SUMF1: variants seen among roughly 807,000 people sequenced by gnomAD.
The protein encoded by SUMF1 is formylglycine-generating enzyme.
In SUMF1, 48 loss-of-function variants were observed where a neutral mutation model predicts 47.6. That is an observed-to-expected ratio of 1.01 (90% confidence interval 0.80 to 1.28). The LOEUF (loss-of-function observed/expected upper bound fraction) is 1.28. SUMF1 is among the 50% of genes most tolerant of loss of function. The pLI is 0.00. For synonymous variants in SUMF1, 230 were observed against 192.1 expected (o/e 1.20, Z -1.63); for missense variants, 571 against 485.4 (o/e 1.18, Z -1.66).
chr3:4,228,240 A>C (rs186896486), intron 8 of SUMF1, among the ~76,000 whole-genome samples: 1 of 152,276 alleles, frequency 6.6e-6, no homozygotes, highest in East Asian at 1.9e-4. Flanking sequence ...TATTTAAGTC[A>C]AAATTAATTT....
chr3:4,243,618 G>A (rs1169367427), intron 8 of SUMF1, among the ~76,000 whole-genome samples: 1 of 152,134 alleles, frequency 6.6e-6, no homozygotes, highest in African/African-American at 2.4e-5. Flanking sequence ...TTCCACTGTG[G>A]TCTGAGAGAG....
At chr3:4,384,710 G>A (rs946028006) in intron 7 of SUMF1, among the ~76,000 whole-genome samples, 4 of 151,860 alleles carry the variant, frequency 2.6e-5, no homozygotes, top group Non-Finnish European at 5.9e-5. Context: ...TGGATGTATC[G>A]GTTTGTTTAA....
chr3:4,395,603 T>C (rs1409031010), intron 7 of SUMF1, among the ~76,000 whole-genome samples: 2 of 152,176 alleles, frequency 1.3e-5, no homozygotes, highest in African/African-American at 2.4e-5. Flanking sequence ...CTGTATTTTC[T>C]CTGTAAAACC....
At chr3:4,390,260 G>T (rs1049599964) in intron 7 of SUMF1, among the ~76,000 whole-genome samples, 1 of 152,056 alleles carries the variant, frequency 6.6e-6, no homozygotes, top group South Asian at 2.1e-4. Flanking sequence ...CTCCCCACCT[G>T]GTTGTATACA....
intron 8 of SUMF1, among the ~76,000 whole-genome samples, chr3:4,085,804 C>A (rs1262240387): frequency 6.6e-6 from 1 of 151,802 alleles, no homozygotes; most frequent in Non-Finnish European, 1.5e-5. Flanking sequence ...CAAAAGTGGA[C>A]AAAAATATTG....
chr3:4,362,175 C>T lies in SUMF1; in HGVS notation c.1094G>A (p.Cys365Tyr). ...DSSASNLGFR[C>Y]AADRLPTMD ...CATAGTGGGCAGGCGGTCGGCTGCA[C>T]AGCGGAATCCCAGATTCGAAGCAGA... The change falls in exon 9 of 9, where the codon TGT becomes TAT. Residue 365 changes from cysteine to tyrosine, a missense_variant. By Grantham distance (194) the Cys-to-Tyr change is radical. Coordinates refer to ENST00000272902, the MANE Select transcript of SUMF1 (RefSeq NM_182760.4). The T allele has an allele frequency of 1.2e-6, 2 of 1,614,198 alleles. No individual in the cohort carries two copies. Among genetic ancestry groups the T allele is most frequent in the South Asian group, 1.1e-5 (1 of 91,084 alleles).
At chr3:4,131,156 C>G (rs141785736) in intron 8 of SUMF1, among the ~76,000 whole-genome samples, 1 of 152,174 alleles carries the variant, frequency 6.6e-6, no homozygotes, top group East Asian at 1.9e-4. Flanking sequence ...CTATCATGAA[C>G]TGGGTGTTTT....
At chr3:4,235,584 T>C (rs1447150008) in intron 8 of SUMF1, among the ~76,000 whole-genome samples, 2 of 152,120 alleles carry the variant, frequency 1.3e-5, no homozygotes, top group Non-Finnish European at 2.9e-5. Context: ...AAAAATGCTT[T>C]ACGATATTCT....
At chr3:4,323,310 G>T (rs1300596493) in intron 8 of SUMF1, among the ~76,000 whole-genome samples, 1 of 152,158 alleles carries the variant, frequency 6.6e-6, no homozygotes, top group Non-Finnish European at 1.5e-5. Context: ...GTGGTATTCT[G>T]TTTACATGAA....
intron 8 of SUMF1, chr3:4,303,605 G>T (rs958019878): frequency 4.4e-6 from 6 of 1,372,272 alleles, no homozygotes; most frequent in African/African-American, 1.5e-5. Context: ...TCGCTGGGAC[G>T]GCCTCCCAGT....
chr3:4,280,215 T>C (rs977784193), intron 8 of SUMF1, among the ~76,000 whole-genome samples: 4 of 152,164 alleles, frequency 2.6e-5, no homozygotes, highest in African/African-American at 9.7e-5. Context: ...TTTTTGTCAA[T>C]TAAAAATTAA....
chr3:4,218,663 A>T (rs1327843548), intron 8 of SUMF1, among the ~76,000 whole-genome samples: 1 of 152,166 alleles, frequency 6.6e-6, no homozygotes, highest in Admixed American at 6.5e-5. Context: ...CAAATGTCAG[A>T]CTTCGTGTGA....
At chr3:4,250,350 G>C (rs944104705) in intron 8 of SUMF1, among the ~76,000 whole-genome samples, 2 of 151,832 alleles carry the variant, frequency 1.3e-5, no homozygotes, top group African/African-American at 4.8e-5. Context: ...GGAAGGGAAA[G>C]AAAGGAAAGA....
intron 8 of SUMF1, among the ~76,000 whole-genome samples, chr3:4,211,671 C>G (rs1248637791): frequency 2.0e-5 from 3 of 152,120 alleles, no homozygotes; most frequent in Middle Eastern, 3.2e-3. Flanking sequence ...AGACTATAAA[C>G]TACAAGGTAT....
intron 8 of SUMF1, among the ~76,000 whole-genome samples, chr3:4,193,920 A>T (rs576141888): frequency 6.6e-6 from 1 of 152,308 alleles, no homozygotes; most frequent in Non-Finnish European, 1.5e-5. Flanking sequence ...ACATGTAAGA[A>T]TGAATATTCA....
chr3:4,172,191 G>C (rs1006023804), intron 8 of SUMF1, among the ~76,000 whole-genome samples: 1 of 152,160 alleles, frequency 6.6e-6, no homozygotes, highest in African/African-American at 2.4e-5. Context: ...GCAATACATA[G>C]AAGTTGATTG....
At chr3:4,195,626 A>T (rs1695410953) in intron 8 of SUMF1, among the ~76,000 whole-genome samples, 1 of 152,176 alleles carries the variant, frequency 6.6e-6, no homozygotes, top group African/African-American at 2.4e-5. Context: ...GGTAGTAGGA[A>T]TTATGAATAG....
intron 8 of SUMF1, among the ~76,000 whole-genome samples, chr3:4,354,484 C>A (rs984440187): frequency 3.3e-5 from 5 of 152,262 alleles, no homozygotes; most frequent in Non-Finnish European, 4.4e-5. Context: ...AGAAAATACC[C>A]AGAGTTTCAC....
At chr3:4,462,780 T>A (rs1413268347) in intron 1 of SUMF1, among the ~76,000 whole-genome samples, 2 of 152,340 alleles carry the variant, frequency 1.3e-5, no homozygotes, top group East Asian at 3.9e-4. Context: ...GTCCACAAAC[T>A]CCTGCCTTAT....
Sources: allele counts gnomAD v4.1 joint callset (sites outside exome capture counted in the v4.1 genomes callset), GRCh38; gene constraint gnomAD v4.1.1; transcripts MANE v1.5; gene names NCBI Gene and HGNC (gene_info 2026-07-23, HGNC 2026-07-21).